RAD18: variants seen among roughly 807,000 people sequenced by gnomAD.
RAD18 encodes the protein RAD18 E3 ubiquitin protein ligase, also known as E3 ubiquitin-protein ligase RAD18.
A neutral mutation model predicts 60.4 loss-of-function variants in RAD18; 47 were observed. The observed-to-expected ratio is 0.78, with a 90% CI of 0.62 to 0.99. The LOEUF (loss-of-function observed/expected upper bound fraction) is 0.99, where lower values mean the gene tolerates loss of function less well. Ranked by LOEUF, RAD18 falls within the 50% of genes least tolerant of loss-of-function variation. The pLI is 0.00. For missense variants in RAD18, 640 were observed against 593.3 expected (o/e 1.08, Z -0.82); for synonymous variants, 225 against 195.5 (o/e 1.15, Z -1.26).
chr3:8,913,587 T>C, intron 8 of RAD18, 57 bp downstream of exon 8: 3 of 1,191,518 alleles, frequency 2.5e-6, no homozygotes, highest in South Asian at 1.9e-5. Context: ...TTAATTTTTG[T>C]AGGGTATTAA....
intron 9 of RAD18, among the ~76,000 whole-genome samples, chr3:8,903,288 C>T (rs574502332): frequency 6.6e-6 from 1 of 152,240 alleles, no homozygotes; most frequent in Non-Finnish European, 1.5e-5. Context: ...ATGAAAGATG[C>T]CCGCTTTCTT....
chr3:8,949,078 T>G (rs1022345733), intron 2 of RAD18, among the ~76,000 whole-genome samples: 2 of 152,172 alleles, frequency 1.3e-5, no homozygotes, highest in African/African-American at 4.8e-5. Flanking sequence ...GGAAGGTTCT[T>G]GACCTCAAGG....
chr3:8,905,571 C>G (rs1321025637), intron 9 of RAD18, among the ~76,000 whole-genome samples: 1 of 152,316 alleles, frequency 6.6e-6, no homozygotes, highest in East Asian at 1.9e-4. Context: ...ATTTCTTTCA[C>G]CATCATATCA....
At chr3:8,894,413 T>C (rs1208161980) in intron 11 of RAD18, among the ~76,000 whole-genome samples, 2 of 152,208 alleles carry the variant, frequency 1.3e-5, no homozygotes, top group Non-Finnish European at 2.9e-5. Flanking sequence ...ATTCACAATA[T>C]ATGATCATCT....
At chr3:8,915,147 CAA>C (rs373157801) in intron 7 of RAD18, among the ~76,000 whole-genome samples, 6 of 101,448 alleles carry the variant, frequency 5.9e-5, no homozygotes, top group Non-Finnish European at 3.8e-5. Context: ...GACTCCGTCT[CAA>C]AAAAAAAAAA....
At position 8,878,372 on chromosome 3, in the gene RAD18, A is replaced by T. The variant is rs1939401230; in HGVS notation, c.*2985T>A. 6.6e-6 allele frequency: 1 copy of T among 152,178 alleles called. No homozygotes were observed. The highest frequency in any genetic ancestry group is 2.4e-5 in the African/African-American group (1 of 41,446). 9.4% of individuals were successfully genotyped at this position (152,178 alleles called of 1,614,324 possible). ...AAAAACAGACTAAAAACCAAAAAAA[A>T]ATTACTGAAATGGTAAAAAATGTAA... is the stretch of plus-strand genomic sequence containing the variant. On this transcript the variant is annotated 3_prime_UTR_variant, in exon 13 of 13. Coordinates refer to ENST00000264926, the MANE Select transcript of RAD18 (RefSeq NM_020165.4).
At chr3:8,911,868 G>A (rs1326731859) in intron 9 of RAD18, among the ~76,000 whole-genome samples, 1 of 152,170 alleles carries the variant, frequency 6.6e-6, no homozygotes, top group Non-Finnish European at 1.5e-5. Context: ...ACCATTTAAG[G>A]AAAAGGAAGT....
In RAD18 at chr3:8,881,261, TC is replaced by T; in HGVS notation, c.*95del. The T allele has an allele frequency of 2.1e-6, 2 of 975,488 alleles. No individual in the cohort carries two copies. Among genetic ancestry groups the T allele is most frequent in the Non-Finnish European group, 3.1e-6 (2 of 640,490 alleles). 60.4% of individuals were successfully genotyped at this position (975,488 alleles called of 1,614,324 possible). A position where few individuals can be genotyped will look rare whatever the true frequency, so the allele number is the denominator to read the frequency against. ...TAACCGTAATATTTAGAATTTAGCA[TC>T]TTTCCTTGGGCATTTATAAATAGAA... On this transcript the variant is annotated 3_prime_UTR_variant, in exon 13 of 13. Transcript: ENST00000264926.
At chr3:8,923,302 GA>G (rs1940364424) in intron 7 of RAD18, among the ~76,000 whole-genome samples, 1 of 152,236 alleles carries the variant, frequency 6.6e-6, no homozygotes, top group Non-Finnish European at 1.5e-5. Context: ...TCAATTGGAA[GA>G]AAGGGTATCA....
chr3:8,930,048 C>T (rs752314314), intron 7 of RAD18, among the ~76,000 whole-genome samples: 11 of 152,162 alleles, frequency 7.2e-5, no homozygotes, highest in South Asian at 2.1e-4. Flanking sequence ...AATTACCATA[C>T]TACTCAGCAA....
intron 4 of RAD18, 71 bp downstream of exon 4, chr3:8,947,149 G>T: frequency 1.7e-6 from 2 of 1,174,168 alleles, no homozygotes; most frequent in Non-Finnish European, 2.5e-6. Context: ...ATCCAAAGGT[G>T]CACAAAGTAA....
chr3:8,963,428 C>T lies in RAD18; in HGVS notation c.-43G>A. On this transcript the variant is annotated 5_prime_UTR_variant, in exon 1 of 13. Transcript: ENST00000264926. ...CTGGGGGTCAGCCACCCACTAGCCT[C>T]CGGCGCTCCAACACCACTCGAAATT... is the stretch of plus-strand genomic sequence containing the variant. 1 of 1,538,242 alleles carries T rather than the reference C, an allele frequency of 6.5e-7. No homozygotes were observed. Among genetic ancestry groups the T allele is most frequent in the Non-Finnish European group, 8.9e-7 (1 of 1,129,254 alleles).
Position 8,941,499 on chromosome 3 carries a change from G to C in RAD18, c.572C>G (p.Pro191Arg). 1 of 1,612,176 alleles carries C rather than the reference G, an allele frequency of 6.2e-7. No individual in the cohort carries two copies. Among genetic ancestry groups the C allele is most frequent in the African/African-American group, 1.3e-5 (1 of 74,896 alleles). The change falls in exon 5 of 13, where the codon CCC becomes CGC. Residue 191 changes from proline (P) to arginine (R), a missense_variant. Physicochemically the swap from Pro to Arg is moderately radical, Grantham distance 103. Transcript: ENST00000264926. ...AACTTGTTTCAAAGTGGATGTCGAG[G>C]GTGGCTCAGGACGCTTAGCCTCTGA... ...DPSEAKRPEP[P>R]STSTLKQVTK...
rs1379769087 is a variant in RAD18 at position 8,963,424 on chromosome 3, G to A, written c.-39C>T. 2.6e-6 allele frequency: 4 copies of A among 1,545,112 alleles called. No homozygotes were observed. Among genetic ancestry groups the A allele is most frequent in the East Asian group, 2.4e-5 (1 of 41,198 alleles). ...GATGCTGGGGGTCAGCCACCCACTAGCCTCCGGCGCTCCAACACCACTCGA... is the reference window on the plus strand; with the variant it reads ...GATGCTGGGGGTCAGCCACCCACTAACCTCCGGCGCTCCAACACCACTCGA... On this transcript the variant is annotated 5_prime_UTR_variant, in exon 1 of 13. Transcript: ENST00000264926.
chr3:8,950,618 C>T (rs1940912036), intron 2 of RAD18, among the ~76,000 whole-genome samples: 2 of 152,142 alleles, frequency 1.3e-5, no homozygotes, highest in African/African-American at 4.8e-5. Flanking sequence ...TTACCCAGGA[C>T]ATCATTTCCA....
intron 7 of RAD18, among the ~76,000 whole-genome samples, chr3:8,921,483 C>T (rs1940319425): frequency 6.6e-6 from 1 of 152,106 alleles, no homozygotes; most frequent in Non-Finnish European, 1.5e-5. Context: ...GAGACCCTGT[C>T]TCTACAAAAC....
chr3:8,941,925 G>C (rs1940754296), intron 4 of RAD18, 121 bp from the exon 5 acceptor site: 1 of 923,712 alleles, frequency 1.1e-6, no homozygotes. Context: ...ATACTATAAT[G>C]ACAACCAAAC....
At chr3:8,919,490 A>C (rs1940272940) in intron 7 of RAD18, among the ~76,000 whole-genome samples, 1 of 152,246 alleles carries the variant, frequency 6.6e-6, no homozygotes, top group Non-Finnish European at 1.5e-5. Flanking sequence ...CTCTGGAGAC[A>C]AAACAAAACT....
chr3:8,895,484 A>T (rs1575534746), intron 11 of RAD18, among the ~76,000 whole-genome samples: 2 of 152,228 alleles, frequency 1.3e-5, no homozygotes, highest in South Asian at 4.1e-4. Context: ...TAATAATTCC[A>T]ATACCCTCTA....
Sources: allele counts gnomAD v4.1 joint callset (sites outside exome capture counted in the v4.1 genomes callset), GRCh38; gene constraint gnomAD v4.1.1; transcripts MANE v1.5; gene names NCBI Gene and HGNC (gene_info 2026-07-23, HGNC 2026-07-21).